WTAP: variants seen among roughly 807,000 people sequenced by gnomAD.
WTAP encodes the protein WT1 associated protein, also known as pre-mRNA-splicing regulator WTAP.
Under a neutral mutation model 50.0 loss-of-function variants are expected in WTAP, and 8 were observed. That is an observed-to-expected ratio of 0.16 (90% CI 0.09 to 0.29). The LOEUF is 0.29. WTAP is among the 10% of genes least tolerant of loss of function. The probability of loss-of-function intolerance (pLI) is 1.00; values close to 1 mark genes in which losing one functional copy is unlikely to be tolerated. For synonymous variants in WTAP, 194 were observed against 169.0 expected, an observed-to-expected ratio of 1.15 and a Z score of -1.15; for missense variants, 295 against 470.7, an observed-to-expected ratio of 0.63 and a Z score of 3.45.
chr6:159,755,276 A>G lies in WTAP; in HGVS notation c.856A>G (p.Arg286Gly), dbSNP rs1310505872. Reference sequence around the variant, plus strand: ...AAGTAATGGTAGCTCCTCCCGCCAGAGGACGTCTGGGTCTGGATTTCACAG... The same window carrying G: ...AAGTAATGGTAGCTCCTCCCGCCAGGGGACGTCTGGGTCTGGATTTCACAG... Reference protein sequence around the residue: ...GPSNGSSSRQRTSGSGFHREG... With the variant: ...GPSNGSSSRQGTSGSGFHREG... The change falls in exon 8 of 8, where the codon AGG (arginine) becomes GGG (glycine). Residue 286 changes from arginine (R) to glycine (G), a missense_variant. Physicochemically the swap from Arg to Gly is moderately radical, Grantham distance 125. Around this residue, in one of 2 missense-constraint regions of WTAP, gnomAD observed 175 missense variants for 183.1 expected, o/e 0.96. Transcript: ENST00000621533. 1 of 1,614,126 alleles carries G rather than the reference A, an allele frequency of 6.2e-7. No homozygotes were observed. The highest frequency in any genetic ancestry group is 8.5e-7 in the Non-Finnish European group (1 of 1,180,050).
At chr6:159,732,859 TCTCTCTC>T in intron 1 of WTAP, among the ~76,000 whole-genome samples, 1 of 92,102 alleles carries the variant, frequency 1.1e-5, no homozygotes, top group Non-Finnish European at 2.2e-5. Context: ...TTTCTCTCTC[TCTCTCTC>T]TCTCTCTGTA....
chr6:159,736,163 A>G, intron 1 of WTAP, 95 bp from the exon 2 acceptor site: 1 of 1,171,736 alleles, frequency 8.5e-7, no homozygotes, highest in Non-Finnish European at 1.2e-6. Flanking sequence ...AATTTAGTTC[A>G]CTAATAAATT....
At chr6:159,744,531 T>TG (rs1554264517) in intron 5 of WTAP, among the ~76,000 whole-genome samples, 1 of 152,034 alleles carries the variant, frequency 6.6e-6, no homozygotes. Flanking sequence ...ACAGTCCTGT[T>TG]CTGTTTCTTT....
At position 159,755,511 on chromosome 6, in the gene WTAP, A is replaced by G; in HGVS notation, c.1091A>G (p.Glu364Gly). The G allele has an allele frequency of 6.2e-7, 1 of 1,614,164 alleles. No individual in the cohort carries two copies. Among genetic ancestry groups the G allele is most frequent in the Non-Finnish European group, 8.5e-7 (1 of 1,180,030 alleles). The change falls in exon 8 of 8, where the codon GAG (glutamate) becomes GGG (glycine). Residue 364 changes from glutamate to glycine, a missense_variant. Glu to Gly is a moderately conservative substitution (Grantham distance 98). Around this residue, in one of 2 missense-constraint regions of WTAP, gnomAD observed 175 missense variants for 183.1 expected, o/e 0.96. Coordinates refer to ENST00000621533, the MANE Select transcript of WTAP (RefSeq NM_001270531.2). ...NDTDSSHDPQ[E>G]EKAVSGKGNR... ...ACAGACTCCAGTCATGACCCTCAAGAGGAGAAAGCAGTGAGTGGGAAAGGT... is the reference window on the plus strand; with the variant it reads ...ACAGACTCCAGTCATGACCCTCAAGGGGAGAAAGCAGTGAGTGGGAAAGGT...
At position 159,748,423 on chromosome 6, in the gene WTAP, A is replaced by G; in HGVS notation, c.452+54A>G. 6.3e-7 allele frequency: 1 copy of G among 1,599,274 alleles called. No homozygotes were observed. The highest frequency in any genetic ancestry group is 8.5e-7 in the Non-Finnish European group (1 of 1,170,792). On this transcript the variant is annotated intron_variant, in intron 6 of 7. Coordinates refer to ENST00000621533, the MANE Select transcript of WTAP (RefSeq NM_001270531.2). This position sits in a 1 kb window ranked among gnomAD's most constrained non-coding sequence, Gnocchi z 5.6. ...CTTCCCTGACAGTCCCACTACGAGA[A>G]AGCTGTGGTGGGACAGCCAAGTACT...
intron 2 of WTAP, chr6:159,736,701 CTACTT>C (rs1382170342): frequency 1.3e-5 from 2 of 154,346 alleles, no homozygotes; most frequent in African/African-American, 4.8e-5. Flanking sequence ...TAATTAAAAA[CTACTT>C]TATTAAAAAA....
chr6:159,730,264 C>A (rs2114867223), intron 1 of WTAP, among the ~76,000 whole-genome samples: 1 of 152,258 alleles, frequency 6.6e-6, no homozygotes, highest in African/African-American at 2.4e-5. Context: ...TTCATAAGAA[C>A]TGAACATATT....
At chr6:159,736,350 T>C in intron 2 of WTAP, 55 bp downstream of exon 2, 4 of 1,362,670 alleles carry the variant, frequency 2.9e-6, no homozygotes, top group Non-Finnish European at 4.1e-6. Context: ...TTGGGGGCTT[T>C]TTTAAGCACT....
rs1779952351 is a variant in WTAP at position 159,755,008 on chromosome 6, T to G, written c.608-20T>G. On this transcript the variant is annotated intron_variant, in intron 7 of 7. Transcript: ENST00000621533. ...ATGTTATAAACGATATTAAAGTTGG[T>G]CTGACTCTCCTTTGCACAGAACTGA... 6.4e-7 allele frequency: 1 copy of G among 1,574,518 alleles called. No individual in the cohort carries two copies. The highest frequency in any genetic ancestry group is 8.6e-7 in the Non-Finnish European group (1 of 1,159,498).
In WTAP at chr6:159,727,517, C is replaced by A; in HGVS notation, c.-195C>A. 2 of 992,594 alleles carry A rather than the reference C, an allele frequency of 2.0e-6. No homozygotes were observed. Among genetic ancestry groups the A allele is most frequent in the Non-Finnish European group, 2.4e-6 (2 of 835,496 alleles). 61.5% of individuals were successfully genotyped at this position (992,594 alleles called of 1,614,324 possible). A position where few individuals can be genotyped will look rare whatever the true frequency, so the allele number is the denominator to read the frequency against. On this transcript the variant is annotated 5_prime_UTR_variant, in exon 1 of 8. Transcript: ENST00000621533. ...CGGGGCCTGGTTTCCTCCCTCAGCG[C>A]CATTTTGTGGCAGCGAGACCCACAA...
chr6:159,730,254 T>C (rs1182602191), intron 1 of WTAP, among the ~76,000 whole-genome samples: 2 of 152,212 alleles, frequency 1.3e-5, no homozygotes, highest in African/African-American at 4.8e-5. Flanking sequence ...AAATGTGTGA[T>C]TCATAAGAAC....
chr6:159,755,867 G>T lies in WTAP; in HGVS notation c.*256G>T. ...GTTGCTAAAAGGACATTTTGTGTAG[G>T]GTCAAGTTATTTTTATATGAGTTAA... On this transcript the variant is annotated 3_prime_UTR_variant, in exon 8 of 8. Coordinates refer to ENST00000621533, the MANE Select transcript of WTAP (RefSeq NM_001270531.2). The T allele has an allele frequency of 4.0e-6, 2 of 494,476 alleles. No individual in the cohort carries two copies. The highest frequency in any genetic ancestry group is 6.0e-6 in the Non-Finnish European group (2 of 331,498). The allele number at this position is 494,476 out of a possible 1,614,324, so 30.6% of individuals were successfully genotyped here.
chr6:159,736,335 G>A, intron 2 of WTAP, 40 bp downstream of exon 2: 4 of 1,502,012 alleles, frequency 2.7e-6, no homozygotes, highest in South Asian at 1.2e-5. Context: ...TTTGTTTTGG[G>A]TTTTTTGGGG....
chr6:159,748,502 C>A lies in WTAP; in HGVS notation c.452+133C>A. The A allele has an allele frequency of 6.8e-7, 1 of 1,474,378 alleles. No homozygotes were observed. The highest frequency in any genetic ancestry group is 9.0e-7 in the Non-Finnish European group (1 of 1,112,200). The allele number at this position is 1,474,378 out of a possible 1,614,324, so 91.3% of individuals were successfully genotyped here. ...GAGCCAAAAAAAAGCCACATTCTTACACTGTCCAGCTTGTAATGGTTAATG... is the reference window on the plus strand; with the variant it reads ...GAGCCAAAAAAAAGCCACATTCTTAAACTGTCCAGCTTGTAATGGTTAATG... On this transcript the variant is annotated intron_variant, in intron 6 of 7. Transcript: ENST00000621533. The surrounding 1 kb of genome is among the most constrained non-coding windows in gnomAD (Gnocchi z 5.6).
chr6:159,738,860 C>A, intron 2 of WTAP, 130 bp from the exon 3 acceptor site: 14 of 524,474 alleles, frequency 2.7e-5, no homozygotes, highest in South Asian at 9.1e-5. Context: ...TAATAAAATA[C>A]TTTTTCAAAA....
At chr6:159,753,806 ACCCT>A (rs113356611) in intron 7 of WTAP, among the ~76,000 whole-genome samples, 192 bp downstream of exon 7, 2,445 of 152,036 alleles carry the variant, frequency 0.016, 72 homozygotes, top group African/African-American at 0.056. Context: ...GTTTATCCCC[ACCCT>A]CCTAATTCTT....
At chr6:159,729,082 G>C (rs889092152) in intron 1 of WTAP, among the ~76,000 whole-genome samples, 2 of 152,184 alleles carry the variant, frequency 1.3e-5, no homozygotes, top group African/African-American at 4.8e-5. Flanking sequence ...GAAACACAAT[G>C]TGTAAAAAGC....
chr6:159,734,857 A>C (rs1778807630), intron 1 of WTAP, among the ~76,000 whole-genome samples: 1 of 152,038 alleles, frequency 6.6e-6, no homozygotes, highest in African/African-American at 2.4e-5. Context: ...TTTTTTTTCC[A>C]ACCTTGTATT....
upstream of WTAP, chr6:159,727,350 G>A (rs1057126473): frequency 5.6e-6 from 7 of 1,258,490 alleles, no homozygotes; most frequent in African/African-American, 1.6e-5. Flanking sequence ...GGGCCAGAAG[G>A]CGAACATGGC....
Sources: gnomAD v4.1 joint callset for allele counts (sites outside exome capture counted in the v4.1 genomes callset) on GRCh38, gnomAD v4.1.1 for gene constraint, gnomAD v4.1.1 regional missense constraint, Gnocchi (gnomAD v3.1) non-coding constraint, MANE v1.5 for transcripts, NCBI Gene and HGNC (gene_info 2026-07-23, HGNC 2026-07-21) for gene names.